Variants in ZMYM4 observed in about 807,000 individuals in gnomAD.
ZMYM4 encodes zinc finger MYM-type protein 4.
A neutral mutation model predicts 183.2 loss-of-function variants in ZMYM4; 31 were observed. The ratio of observed to expected loss-of-function variants is 0.17; its 90% CI spans 0.13 to 0.23. The LOEUF (loss-of-function observed/expected upper bound fraction) is 0.23, where lower values mean the gene tolerates loss of function less well. Ranked by LOEUF, ZMYM4 falls within the 10% of genes least tolerant of loss-of-function variation. ZMYM4 has a pLI of 1.00. For synonymous variants in ZMYM4, 592 were observed against 631.2 expected (o/e 0.94, Z 0.93); for missense variants, 1,273 against 1,840.3 (o/e 0.69, Z 5.64).
rs771389273 is a variant in ZMYM4 at position 35,413,964 on chromosome 1, T to TC, written c.3949-7dup. The TC allele has an allele frequency of 1.4e-6, 2 of 1,406,982 alleles. No homozygotes were observed. The allele number at this position is 1,406,982 out of a possible 1,614,324, so 87.2% of individuals were successfully genotyped here. A position where few individuals can be genotyped will look rare whatever the true frequency, so the allele number is the denominator to read the frequency against. ...CAACATGTATATTTTCTTTTTTTTTTCTTGTAGTACCTGTTTGAAAATGGT... is the reference window on the plus strand; with the variant it reads ...CAACATGTATATTTTCTTTTTTTTTTCCTTGTAGTACCTGTTTGAAAATGGT... On this transcript the variant is annotated splice_region_variant and splice_polypyrimidine_tract_variant and intron_variant, in intron 26 of 29. Transcript: ENST00000314607.
chr1:35,296,572 G>A (rs1641022488), intron 1 of ZMYM4, among the ~76,000 whole-genome samples: 1 of 152,134 alleles, frequency 6.6e-6, no homozygotes, highest in African/African-American at 2.4e-5. Context: ...AACATGCTGA[G>A]ATTTGACCCT....
chr1:35,381,689 C>T lies in ZMYM4; in HGVS notation c.1500C>T (p.Cys500=), dbSNP rs772924414. 4.3e-6 allele frequency: 7 copies of T among 1,614,090 alleles called. No homozygotes were observed. The South Asian group carries it at 7.7e-5, about 18-fold the overall frequency. Reference sequence around the variant, plus strand: ...ACTGTTACAGTGGGTCGGGACAATGCCACATGCTTCAGATAGAGGGACAGT... The same window carrying T: ...ACTGTTACAGTGGGTCGGGACAATGTCACATGCTTCAGATAGAGGGACAGT... The part of the protein sequence containing the change: ...GGYCYSGSGQ[C]HMLQIEGQSK... The change falls in exon 9 of 30, where the codon TGC becomes TGT. Residue 500 remains cysteine (C), a synonymous_variant. Coordinates refer to ENST00000314607, the MANE Select transcript of ZMYM4 (RefSeq NM_005095.3).
At chr1:35,293,416 T>C (rs1238872948) in intron 1 of ZMYM4, among the ~76,000 whole-genome samples, 1 of 151,810 alleles carries the variant, frequency 6.6e-6, no homozygotes, top group Non-Finnish European at 1.5e-5. Context: ...CGGGTTCAAG[T>C]GATTCTACTG....
chr1:35,336,601 T>A (rs1287553031), intron 2 of ZMYM4, among the ~76,000 whole-genome samples: 1 of 152,006 alleles, frequency 6.6e-6, no homozygotes, highest in African/African-American at 2.4e-5. Flanking sequence ...GACAGGACTG[T>A]ACCACATTGG....
At chr1:35,419,399 T>C in intron 29 of ZMYM4, 71 bp from the exon 30 acceptor site, 1 of 1,513,090 alleles carries the variant, frequency 6.6e-7, no homozygotes, top group Non-Finnish European at 9.0e-7. Flanking sequence ...TACTTAAGAA[T>C]AGTACATATT....
chr1:35,351,461 A>G, intron 2 of ZMYM4: 1 of 1,570,122 alleles, frequency 6.4e-7, no homozygotes, highest in South Asian at 1.1e-5. Flanking sequence ...CTGCTATACG[A>G]GAGAATCCAG....
intron 18 of ZMYM4, among the ~76,000 whole-genome samples, chr1:35,395,746 C>G (rs1644797660): frequency 6.6e-6 from 1 of 152,170 alleles, no homozygotes; most frequent in African/African-American, 2.4e-5. Flanking sequence ...GCAAAGTCAT[C>G]TAACACAAAG....
At chr1:35,347,092 A>G (rs1049600102) in intron 2 of ZMYM4, among the ~76,000 whole-genome samples, 1 of 151,918 alleles carries the variant, frequency 6.6e-6, no homozygotes, top group Non-Finnish European at 1.5e-5. Context: ...TGCATCCTCT[A>G]CCTCCCGGGT....
Position 35,405,488 on chromosome 1 carries a change from A to G in ZMYM4, c.3796+20A>G. 6.5e-7 allele frequency: 1 copy of G among 1,533,198 alleles called. No individual in the cohort carries two copies. The highest frequency in any genetic ancestry group is 8.9e-7 in the Non-Finnish European group (1 of 1,127,730). The allele number at this position is 1,533,198 out of a possible 1,614,324, so 95.0% of individuals were successfully genotyped here. ...GTAGAGGTAAAATTTGTTTCTCTCC[A>G]TTTGGTATGAATTATTTATATTATT... On this transcript the variant is annotated intron_variant, in intron 25 of 29. Transcript: ENST00000314607.
At chr1:35,380,657 G>A (rs924089077) in intron 7 of ZMYM4, among the ~76,000 whole-genome samples, 4 of 152,160 alleles carry the variant, frequency 2.6e-5, no homozygotes, top group African/African-American at 9.7e-5. Flanking sequence ...GTTTCCACTT[G>A]AACTGTCTGG....
intron 2 of ZMYM4, among the ~76,000 whole-genome samples, chr1:35,328,068 A>G (rs1389508021): frequency 1.3e-5 from 2 of 152,184 alleles, no homozygotes; most frequent in Admixed American, 6.5e-5. Flanking sequence ...TAGCTTTCTA[A>G]TGAAGGTTTT....
At chr1:35,311,086 A>G (rs1641774530) in intron 1 of ZMYM4, among the ~76,000 whole-genome samples, 1 of 152,000 alleles carries the variant, frequency 6.6e-6, no homozygotes, top group South Asian at 2.1e-4. Flanking sequence ...CTGCCACTGT[A>G]GTGTTATCTG....
chr1:35,356,618 T>C (rs1284594125), intron 2 of ZMYM4, among the ~76,000 whole-genome samples: 2 of 152,218 alleles, frequency 1.3e-5, no homozygotes, highest in Non-Finnish European at 2.9e-5. Flanking sequence ...TTTACCCTCA[T>C]ACTGTTTCTA....
chr1:35,283,439 G>T (rs560050038), intron 1 of ZMYM4, among the ~76,000 whole-genome samples: 1 of 141,808 alleles, frequency 7.1e-6, no homozygotes, highest in Admixed American at 7.4e-5. Flanking sequence ...CTGGGTTCAC[G>T]CCATTCTCCT....
At chr1:35,333,464 C>T (rs1011975403) in intron 2 of ZMYM4, among the ~76,000 whole-genome samples, 1 of 152,024 alleles carries the variant, frequency 6.6e-6, no homozygotes, top group Non-Finnish European at 1.5e-5. Context: ...ACCATGTTGG[C>T]CAAGGTGGTC....
intron 7 of ZMYM4, among the ~76,000 whole-genome samples, chr1:35,373,027 C>A (rs897472314): frequency 6.6e-6 from 1 of 151,980 alleles, no homozygotes; most frequent in African/African-American, 2.4e-5. Context: ...GGCCTGGTGG[C>A]ACATGCCCAT....
At chr1:35,288,559 C>T (rs1439682650) in intron 1 of ZMYM4, among the ~76,000 whole-genome samples, 1 of 152,194 alleles carries the variant, frequency 6.6e-6, no homozygotes, top group Non-Finnish European at 1.5e-5. Flanking sequence ...TGCCTAATTC[C>T]ACCCAGCACA....
At chr1:35,278,668 G>A (rs904814272) in intron 1 of ZMYM4, among the ~76,000 whole-genome samples, 2 of 151,908 alleles carry the variant, frequency 1.3e-5, no homozygotes, top group Non-Finnish European at 2.9e-5. Flanking sequence ...TGATCTGCCC[G>A]CCTCGGCCTC....
chr1:35,415,207 T>C (rs1640066775), intron 27 of ZMYM4, among the ~76,000 whole-genome samples: 1 of 152,206 alleles, frequency 6.6e-6, no homozygotes, highest in African/African-American at 2.4e-5. Context: ...TCTGGCCCTT[T>C]ATAAAGACAG....
Sources: allele counts gnomAD v4.1 joint callset (sites outside exome capture counted in the v4.1 genomes callset), GRCh38; gene constraint gnomAD v4.1.1; transcripts MANE v1.5; gene names NCBI Gene and HGNC (gene_info 2026-07-23, HGNC 2026-07-21).